Variants in MUC5AC observed in about 807,000 individuals in gnomAD.
MUC5AC encodes the protein mucin-5AC.
A neutral mutation model predicts 169.7 loss-of-function variants in MUC5AC; 158 were observed. The observed-to-expected ratio is 0.93, with a 90% CI of 0.82 to 1.06. The LOEUF is 1.06. MUC5AC is among the 50% of genes least tolerant of loss of function. MUC5AC has a pLI of 0.00. For missense variants in MUC5AC, 4,359 were observed against 3,089.9 expected (o/e 1.41, Z -9.74); for synonymous variants, 1,975 against 1,237.0 (o/e 1.60, Z -12.52).
Position 1,198,938 on chromosome 11 carries a change from C to T in MUC5AC, c.16238C>T (p.Pro5413Leu). Residue 5413 changes from proline (P) to leucine (L), a missense_variant, in exon 44 of 49, where the codon CCA (proline) becomes CTA (leucine). Coordinates refer to ENST00000621226, the MANE Select transcript of MUC5AC (RefSeq NM_001304359.2). ...TCRCELPGGP[P>L]SDAFVVSCET... is the part of the protein sequence containing the mutation. ...AGGTGTGAGCTGCCGGGTGGCCCCC[C>T]ATCGGACGCGTTTGTGGTCAGCTGT... 2 of 762,728 alleles carry T rather than the reference C, an allele frequency of 2.6e-6. No individual in the cohort carries two copies. The highest frequency in any genetic ancestry group is 4.8e-6 in the Non-Finnish European group (2 of 417,026). The allele number at this position is 762,728 out of a possible 1,614,324, so 47.2% of individuals were successfully genotyped here.
chr11:1,164,608 G>A (rs1293340668), intron 9 of MUC5AC, 76 bp downstream of exon 9: 11 of 1,501,140 alleles, frequency 7.3e-6, no homozygotes, highest in South Asian at 1.3e-5. Context: ...GCCAAGCCTC[G>A]GAAGAAGGAC....
At chr11:1,176,337 A>T (rs1860687474) in intron 20 of MUC5AC, 86 bp downstream of exon 20, 4 of 398,554 alleles carry the variant, frequency 1.0e-5, no homozygotes, top group Non-Finnish European at 1.8e-5. Flanking sequence ...GGCAGTGGTG[A>T]GCCTCTGACA....
chr11:1,200,279 C>A (rs984171823), intron 48 of MUC5AC, among the ~76,000 whole-genome samples, 159 bp from the exon 49 acceptor site: 29 of 152,216 alleles, frequency 1.9e-4, no homozygotes, highest in Admixed American at 2.0e-4. Context: ...ACTGTTGGCG[C>A]CTGGGGAACT....
In MUC5AC at chr11:1,190,657, C is replaced by T. The variant is rs1473629420; in HGVS notation, c.12512C>T (p.Ser4171Phe). 8 of 694,714 alleles carry T rather than the reference C, an allele frequency of 1.2e-5. No homozygotes were observed. In the African/African-American group the frequency reaches 1.4e-4, roughly 12 times the overall value. The allele number at this position is 694,714 out of a possible 1,614,324, so 43.0% of individuals were successfully genotyped here. Residue 4171 changes from serine (S) to phenylalanine (F), a missense_variant, in exon 31 of 49, where the codon TCT becomes TTT. Ser to Phe is a radical substitution (Grantham distance 155). Coordinates refer to ENST00000621226, the MANE Select transcript of MUC5AC (RefSeq NM_001304359.2). ...TTSAPTTSTNSAPTTSTISAS... is the reference protein window; with the variant it reads ...TTSAPTTSTNFAPTTSTISAS... The stretch of plus-strand genomic sequence containing the variant: ...TCTGCTCCAACAACCAGCACAAACT[C>T]TGCTCCTACAACCAGCACAATCTCT...
chr11:1,165,479 G>T (rs1414849464), intron 10 of MUC5AC, 60 bp downstream of exon 10: 34 of 1,589,964 alleles, frequency 2.1e-5, no homozygotes, highest in Non-Finnish European at 2.7e-5. Context: ...CCTGCTGGGG[G>T]TTGCAACCCA....
At chr11:1,167,588 G>T (rs1238154718) in intron 11 of MUC5AC, among the ~76,000 whole-genome samples, 1 of 152,180 alleles carries the variant, frequency 6.6e-6, no homozygotes, top group Non-Finnish European at 1.5e-5. Context: ...CCCCTCTCTC[G>T]CCCAGCCCCT....
Position 1,176,943 on chromosome 11 carries a change from G to A in MUC5AC, c.2670G>A (p.Arg890=). 1 of 399,034 alleles carries A rather than the reference G, an allele frequency of 2.5e-6. No homozygotes were observed. Among genetic ancestry groups the A allele is most frequent in the Non-Finnish European group, 4.4e-6 (1 of 226,384 alleles). 24.7% of individuals were successfully genotyped at this position (399,034 alleles called of 1,614,324 possible). The change falls in exon 22 of 49, where the codon AGG becomes AGA. Residue 890 remains arginine, a synonymous_variant. Coordinates refer to ENST00000621226, the MANE Select transcript of MUC5AC (RefSeq NM_001304359.2). ...TGTCCCCCAGCACCTGTGACAGCAG[G>A]ATGTGGCGGTGCACAGATGACCCCT... The part of the protein sequence containing the change: ...VGCNTCTCDS[R]MWRCTDDPCL...
At chr11:1,159,882 G>GTGGGGCTGTGTGGGGCTGTGTGGGGC in intron 1 of MUC5AC, among the ~76,000 whole-genome samples, 1 of 132,592 alleles carries the variant, frequency 7.5e-6, no homozygotes, top group Admixed American at 7.7e-5. Flanking sequence ...GTGGGGCTGT[G>GTGGGGCTGTGTGGGGCTGTGTGGGGC]TGGGGCTGGG....
intron 3 of MUC5AC, 102 bp downstream of exon 3, chr11:1,161,688 G>A (rs923277851): frequency 2.1e-5 from 28 of 1,354,388 alleles, no homozygotes; most frequent in Non-Finnish European, 2.8e-5. Context: ...CAGCTTTCCG[G>A]GTGAACACTG....
In MUC5AC at chr11:1,197,598, C is replaced by A. The variant is rs760293258; in HGVS notation, c.15992C>A (p.Ala5331Glu). The change falls in exon 41 of 49, where the codon GCA (alanine) becomes GAA (glutamate). Residue 5331 changes from alanine (A) to glutamate (E), a missense_variant. Ala to Glu is a moderately radical substitution (Grantham distance 107). Coordinates refer to ENST00000621226, the MANE Select transcript of MUC5AC (RefSeq NM_001304359.2). The part of the protein sequence containing the change: ...CPLPGFVPVP[A>E]APQAGQCCPQ... ...CTGCCCGGCTTCGTGCCTGTGCCTG[C>A]AGCCCCACAGGCCGGCCAGTGCTGC... 3 of 726,552 alleles carry A rather than the reference C, an allele frequency of 4.1e-6. No homozygotes were observed. The highest frequency in any genetic ancestry group is 7.5e-6 in the Non-Finnish European group (3 of 399,546). The allele number at this position is 726,552 out of a possible 1,614,324, so 45.0% of individuals were successfully genotyped here. A position where few individuals can be genotyped will look rare whatever the true frequency, so the allele number is the denominator to read the frequency against.
chr11:1,193,929 C>T (rs768415011), intron 33 of MUC5AC, among the ~76,000 whole-genome samples, 181 bp from the exon 34 acceptor site: 6 of 152,230 alleles, frequency 3.9e-5, no homozygotes, highest in African/African-American at 7.2e-5. Context: ...GTCAAGCGCC[C>T]GCTGGATGGA....
At position 1,163,869 on chromosome 11, in the gene MUC5AC, G is replaced by A. The variant is rs752852513; in HGVS notation, c.680-13G>A. On this transcript the variant is annotated splice_polypyrimidine_tract_variant and intron_variant, in intron 6 of 48. Transcript: ENST00000621226. The stretch of plus-strand genomic sequence containing the variant: ...GGACCTGCAGGCAGAGCCCGCCTCT[G>A]TGCTTGCCGCAGACACCAAGCTGAC... 3 of 1,592,376 alleles carry A rather than the reference G, an allele frequency of 1.9e-6. No individual in the cohort carries two copies. The highest frequency in any genetic ancestry group is 2.6e-6 in the Non-Finnish European group (3 of 1,169,746).
rs1002078762 is a variant in MUC5AC at position 1,196,394 on chromosome 11, C to A, written c.15644C>A (p.Thr5215Asn). 1.3e-6 allele frequency: 1 copy of A among 764,928 alleles called. No homozygotes were observed. Among genetic ancestry groups the A allele is most frequent in the Non-Finnish European group, 2.4e-6 (1 of 417,772 alleles). 47.4% of individuals were successfully genotyped at this position (764,928 alleles called of 1,614,324 possible). Reference sequence around the variant, plus strand: ...TGGCTTCCCCTCCCCACAGCATTCACCTGCCCAGCCGACAAGGTGTACCAG... The same window carrying A: ...TGGCTTCCCCTCCCCACAGCATTCAACTGCCCAGCCGACAAGGTGTACCAG... The part of the protein sequence containing the change: ...RGRTGHMCPF[T>N]CPADKVYQPC... The change falls in exon 38 of 49, where the codon ACC becomes AAC. Residue 5215 changes from threonine to asparagine, a missense_variant. Coordinates refer to ENST00000621226, the MANE Select transcript of MUC5AC (RefSeq NM_001304359.2).
rs375834347 is a variant in MUC5AC at position 1,200,629 on chromosome 11, C to T, written c.16892C>T (p.Ala5631Val). ...APGDTQHSEE[A>V]EPEPSQEAES... ...GGCGACACCCAGCACTCGGAGGAGG[C>T]GGAACCCGAGCCCAGCCAGGAGGCA... The change falls in exon 49 of 49, where the codon GCG becomes GTG. Residue 5631 changes from alanine to valine, a missense_variant. Transcript: ENST00000621226. 2.6e-5 allele frequency: 20 copies of T among 763,906 alleles called. 1 individual carries two copies. The highest frequency in any genetic ancestry group is 1.2e-4 in the East Asian group (5 of 41,202). The allele number at this position is 763,906 out of a possible 1,614,324, so 47.3% of individuals were successfully genotyped here.
chr11:1,170,154 CCCAT>C (rs1860460827), intron 15 of MUC5AC, among the ~76,000 whole-genome samples: 1 of 64,962 alleles, frequency 1.5e-5, no homozygotes, highest in Non-Finnish European at 2.9e-5. Context: ...CACCCATTCA[CCCAT>C]TCACTCACTC....
In MUC5AC at chr11:1,163,045, A is replaced by G; in HGVS notation, c.679A>G (p.Asn227Asp). Residue 227 changes from asparagine (N) to aspartate (D), a missense_variant and splice_region_variant, in exon 6 of 49, where the codon AAC (asparagine) becomes GAC (aspartate). Coordinates refer to ENST00000621226, the MANE Select transcript of MUC5AC (RefSeq NM_001304359.2). ...MPVVSELLSH[N>D]TKLTPMEFGN... ...CGTGGTCAGCGAGCTCCTCTCCCACAGTAAGGCCCCACATCGCCCTCAGCC... is the reference window on the plus strand; with the variant it reads ...CGTGGTCAGCGAGCTCCTCTCCCACGGTAAGGCCCCACATCGCCCTCAGCC... 6.2e-7 allele frequency: 1 copy of G among 1,612,220 alleles called. No individual in the cohort carries two copies. Among genetic ancestry groups the G allele is most frequent in the Middle Eastern group, 1.6e-4 (1 of 6,062 alleles).
At chr11:1,162,895 A>G in intron 5 of MUC5AC, 60 bp from the exon 6 acceptor site, 3 of 1,510,660 alleles carry the variant, frequency 2.0e-6, no homozygotes, top group Non-Finnish European at 2.8e-6. Context: ...CTCAGGCTCG[A>G]GCCTCATCTG....
Position 1,186,488 on chromosome 11 carries a change from C to G in MUC5AC, c.8343C>G (p.Ile2781Met). The change falls in exon 31 of 49, where the codon ATC becomes ATG. Residue 2781 changes from isoleucine to methionine, a missense_variant. Coordinates refer to ENST00000621226, the MANE Select transcript of MUC5AC (RefSeq NM_001304359.2). ...STTSATTTST[I>M]SAPTTSTTLS... ...CCTCTGCTACTACAACCAGCACAAT[C>G]TCTGCCCCTACAACCAGCACAACTT... The G allele has an allele frequency of 1.4e-6, 1 of 695,352 alleles. No individual in the cohort carries two copies. The allele number at this position is 695,352 out of a possible 1,614,324, so 43.1% of individuals were successfully genotyped here.
At chr11:1,160,752 C>G in intron 2 of MUC5AC, 63 bp downstream of exon 2, 1 of 1,508,162 alleles carries the variant, frequency 6.6e-7, no homozygotes, top group Non-Finnish European at 9.0e-7. Flanking sequence ...CCGTGTGGCA[C>G]GGCCCCTAGG....
Sources: allele counts gnomAD v4.1 joint callset (sites outside exome capture counted in the v4.1 genomes callset), GRCh38; gene constraint gnomAD v4.1.1; transcripts MANE v1.5; gene names NCBI Gene and HGNC (gene_info 2026-07-23, HGNC 2026-07-21).